The following FGD4 variants were observed in gnomAD, a reference collection of about 807,000 sequenced individuals.
FGD4 encodes FYVE, RhoGEF and PH domain containing 4, also known as FYVE, RhoGEF and PH domain-containing protein 4.
In FGD4, 42 loss-of-function variants were observed where a neutral mutation model predicts 102.0. The ratio of observed to expected loss-of-function variants is 0.41; its 90% CI spans 0.32 to 0.53. The LOEUF is 0.53. Among genes scored for constraint, FGD4 ranks in the 20% least tolerant of loss-of-function variants. The probability of loss-of-function intolerance (pLI) is 0.21; values close to 1 mark genes in which losing one functional copy is unlikely to be tolerated. For missense variants in FGD4, 902 were observed against 1,078.2 expected, an observed-to-expected ratio of 0.84 and a Z score of 2.29; for synonymous variants, 380 against 375.7, an observed-to-expected ratio of 1.01 and a Z score of -0.13.
At chr12:32,537,874 T>C (rs1298872543) in intron 1 of FGD4, among the ~76,000 whole-genome samples, 1 of 152,112 alleles carries the variant, frequency 6.6e-6, no homozygotes, top group African/African-American at 2.4e-5. Context: ...AGCTTTACTT[T>C]CGTTATAGCA....
rs12299653 is a variant in FGD4 at position 32,598,343 on chromosome 12, T to G, written c.1012-154T>G. On this transcript the variant is annotated intron_variant, in intron 4 of 16. Coordinates refer to ENST00000534526, the MANE Select transcript of FGD4 (RefSeq NM_001370298.3). ...CTTGCTAATTTCTAATTTTGTTCATTTCTGGTTTGACATCTCTTGATGGCT... is the reference window on the plus strand; with the variant it reads ...CTTGCTAATTTCTAATTTTGTTCATGTCTGGTTTGACATCTCTTGATGGCT... Among the ~76,000 whole-genome samples the G allele has an allele frequency of 9.2e-3, 1,401 of 152,346 alleles. 19 individuals carry two copies. The highest frequency in any genetic ancestry group is 0.03 in the African/African-American group (1,266 of 41,580).
chr12:32,470,646 G>A (rs1414302175), intron 1 of FGD4, among the ~76,000 whole-genome samples: 1 of 151,656 alleles, frequency 6.6e-6, no homozygotes, highest in African/African-American at 2.4e-5. Context: ...TAGAGAGAGG[G>A]TTTTTCCATG....
At chr12:32,487,784 C>T (rs1352893962) in intron 1 of FGD4, among the ~76,000 whole-genome samples, 1 of 152,186 alleles carries the variant, frequency 6.6e-6, no homozygotes, top group Non-Finnish European at 1.5e-5. Context: ...CCAGGTTGGA[C>T]TTGAACTCCT....
At chr12:32,401,569 TTTA>T (rs1365339453) in intron 1 of FGD4, among the ~76,000 whole-genome samples, 1 of 151,864 alleles carries the variant, frequency 6.6e-6, no homozygotes, top group Non-Finnish European at 1.5e-5. Context: ...CCTCAAATTC[TTTA>T]TTCTATCATT....
chr12:32,543,889 A>G (rs1943036798), intron 1 of FGD4, among the ~76,000 whole-genome samples: 1 of 152,094 alleles, frequency 6.6e-6, no homozygotes, highest in South Asian at 2.1e-4. Context: ...GGCCTCCCAA[A>G]GTGCTGGGAT....
chr12:32,597,959 C>G (rs1211561652), intron 4 of FGD4, among the ~76,000 whole-genome samples: 1 of 152,204 alleles, frequency 6.6e-6, no homozygotes, highest in Non-Finnish European at 1.5e-5. Flanking sequence ...CTTACACAGC[C>G]TCAACCTCCT....
At chr12:32,620,763 T>G (rs1417756043) in intron 11 of FGD4, among the ~76,000 whole-genome samples, 4 of 146,618 alleles carry the variant, frequency 2.7e-5, no homozygotes, top group African/African-American at 1.0e-4. Context: ...AGTGCCCTGA[T>G]CTCGGCTCAC....
At chr12:32,540,625 G>C (rs1256780064) in intron 1 of FGD4, among the ~76,000 whole-genome samples, 1 of 150,826 alleles carries the variant, frequency 6.6e-6, no homozygotes, top group Admixed American at 6.6e-5. Flanking sequence ...GAGTGTGATG[G>C]TGTGATCTCA....
chr12:32,639,029 G>T, intron 16 of FGD4: 1 of 1,192,488 alleles, frequency 8.4e-7, no homozygotes, highest in South Asian at 2.1e-5. Context: ...TCATTCAATG[G>T]GTTTGAGAAA....
chr12:32,599,808 A>G (rs1248309869), intron 5 of FGD4, among the ~76,000 whole-genome samples: 2 of 151,908 alleles, frequency 1.3e-5, no homozygotes, highest in Admixed American at 6.6e-5. Context: ...TTGGCCTCTC[A>G]AAGTGCTGGG....
chr12:32,402,591 G>T (rs960295909), intron 1 of FGD4, among the ~76,000 whole-genome samples: 1 of 131,700 alleles, frequency 7.6e-6, no homozygotes, highest in Non-Finnish European at 1.6e-5. Flanking sequence ...TGGGACTACA[G>T]GCACACACCA....
chr12:32,622,490 T>A (rs1949903553), intron 11 of FGD4, among the ~76,000 whole-genome samples: 1 of 152,232 alleles, frequency 6.6e-6, no homozygotes, highest in Non-Finnish European at 1.5e-5. Context: ...ATATGGTTAT[T>A]CTGTCTAAAA....
intron 1 of FGD4, among the ~76,000 whole-genome samples, chr12:32,466,641 G>T (rs1452063101): frequency 1.3e-5 from 2 of 152,072 alleles, no homozygotes; most frequent in African/African-American, 4.8e-5. Flanking sequence ...GCTGAGGTGG[G>T]TGGATTGCTT....
At chr12:32,610,719 A>T in intron 8 of FGD4, 57 bp from the exon 9 acceptor site, 1 of 1,500,608 alleles carries the variant, frequency 6.7e-7, no homozygotes, top group Non-Finnish European at 9.2e-7. Context: ...ACTCAGCTAT[A>T]TAGAAGCACA....
At position 32,610,921 on chromosome 12, in the gene FGD4, T is replaced by G. The variant is rs117987937; in HGVS notation, c.1602+87T>G. The G allele has an allele frequency of 2.1e-3, 2,968 of 1,423,404 alleles. 46 individuals are homozygous for G. In the East Asian group the frequency reaches 0.042, roughly 20 times the overall value. 88.2% of individuals were successfully genotyped at this position (1,423,404 alleles called of 1,614,324 possible). A position where few individuals can be genotyped will look rare whatever the true frequency, so the allele number is the denominator to read the frequency against. ...AATACTATGTAGATTTGGACCAAAG[T>G]GAATTGAAATAGATGAGCCAAAAAG... On this transcript the variant is annotated intron_variant, in intron 9 of 16. Transcript: ENST00000534526.
At chr12:32,447,155 A>T (rs925532434) in intron 1 of FGD4, among the ~76,000 whole-genome samples, 1 of 152,202 alleles carries the variant, frequency 6.6e-6, no homozygotes, top group African/African-American at 2.4e-5. Flanking sequence ...CTCCTAGCTC[A>T]TCCAGACCGA....
intron 4 of FGD4, among the ~76,000 whole-genome samples, chr12:32,590,642 G>T (rs1320152846): frequency 6.6e-6 from 1 of 152,110 alleles, no homozygotes; most frequent in Admixed American, 6.6e-5. Context: ...GTATGACTTT[G>T]GGCAAGTTAC....
At chr12:32,415,513 C>T (rs753136380) in intron 1 of FGD4, among the ~76,000 whole-genome samples, 1 of 148,112 alleles carries the variant, frequency 6.8e-6, no homozygotes, top group Non-Finnish European at 1.5e-5. Context: ...AGCTCCGTCT[C>T]CTGGGTTCAC....
At chr12:32,521,359 C>T (rs1333812316) in intron 1 of FGD4, among the ~76,000 whole-genome samples, 4 of 129,074 alleles carry the variant, frequency 3.1e-5, no homozygotes, top group East Asian at 4.4e-4. Context: ...CTGGCGACGG[C>T]GAGACTCCGT....
Sources: allele counts gnomAD v4.1 joint callset (sites outside exome capture counted in the v4.1 genomes callset), GRCh38; gene constraint gnomAD v4.1.1; transcripts MANE v1.5; gene names NCBI Gene and HGNC (gene_info 2026-07-23, HGNC 2026-07-21).